Variants in QTGAL observed in about 807,000 individuals in gnomAD.
QTGAL encodes BGnT-like protein 1.
chr17:83,016,499 TGGAGGGAGGAGGGAAGAGGGCAGAAGA>T, the QTGAL span, among the ~76,000 whole-genome samples: 11 of 107,006 alleles, frequency 1.0e-4, no homozygotes, highest in African/African-American at 3.7e-4. Flanking sequence ...TGAGAAGGGA[TGGAGGGAGGAGGGAAGAGGGCAGAAGA>T]GGAGGGTGGA....
the QTGAL span, chr17:83,006,893 T>C: frequency 1.1e-6 from 1 of 887,402 alleles, no homozygotes; most frequent in Non-Finnish European, 1.3e-6. The surrounding 1 kb of genome is among the most constrained non-coding windows in gnomAD (Gnocchi z 5.8). Flanking sequence ...ATGTTTAGTT[T>C]TTACAGGAAC....
At chr17:82,958,866 T>TG in the QTGAL span, among the ~76,000 whole-genome samples, 2 of 37,664 alleles carry the variant, frequency 5.3e-5, no homozygotes, top group Non-Finnish European at 1.2e-4. Context: ...GTATGGTGTG[T>TG]GTGTGTGTGT....
chr17:82,956,245 G>A, the QTGAL span, among the ~76,000 whole-genome samples: 1 of 151,920 alleles, frequency 6.6e-6, no homozygotes, highest in African/African-American at 2.4e-5. This position sits in a 1 kb window ranked among gnomAD's most constrained non-coding sequence, Gnocchi z 5.7. Context: ...TGCATTTGGA[G>A]CCCGAGGCAC....
chr17:82,996,411 G>A, the QTGAL span, among the ~76,000 whole-genome samples: 1 of 151,608 alleles, frequency 6.6e-6, no homozygotes, highest in African/African-American at 2.4e-5. Flanking sequence ...AGTCCCAGCT[G>A]CTCAGCAAGC....
the QTGAL span, chr17:82,949,418 T>C: frequency 6.6e-6 from 1 of 152,302 alleles, no homozygotes; most frequent in East Asian, 1.9e-4. Flanking sequence ...AACGTGAACC[T>C]TGGGTTTCTC....
At chr17:82,993,758 A>T in the QTGAL span, among the ~76,000 whole-genome samples, 5 of 142,418 alleles carry the variant, frequency 3.5e-5, no homozygotes, top group Admixed American at 6.9e-5. Context: ...TTACAACATT[A>T]AAAAAAAAAA....
At chr17:83,007,768 C>T in the QTGAL span, among the ~76,000 whole-genome samples, 12 of 152,144 alleles carry the variant, frequency 7.9e-5, no homozygotes, top group South Asian at 4.1e-4. Flanking sequence ...AGAGTGAGGA[C>T]GGGGTGGGGG....
chr17:83,026,997 GAC>G, the QTGAL span, among the ~76,000 whole-genome samples: 52 of 148,412 alleles, frequency 3.5e-4, 4 homozygotes, highest in Middle Eastern at 3.8e-3. Flanking sequence ...ACCCTCGACA[GAC>G]ACACAGAGCG....
At chr17:82,956,051 G>A in the QTGAL span, among the ~76,000 whole-genome samples, 10 of 152,050 alleles carry the variant, frequency 6.6e-5, no homozygotes, top group Admixed American at 3.9e-4. The surrounding 1 kb of genome is among the most constrained non-coding windows in gnomAD (Gnocchi z 5.7). Context: ...TAATGCATGC[G>A]GGGCTTAAAA....
the QTGAL span, among the ~76,000 whole-genome samples, chr17:83,015,796 C>A: frequency 6.6e-6 from 1 of 152,218 alleles, no homozygotes; most frequent in Non-Finnish European, 1.5e-5. This position sits in a 1 kb window ranked among gnomAD's most constrained non-coding sequence, Gnocchi z 4.4. Context: ...ATCCAGGTCA[C>A]AGACTCCTTA....
chr17:82,953,842 A>G, the QTGAL span, among the ~76,000 whole-genome samples: 1 of 152,230 alleles, frequency 6.6e-6, no homozygotes, highest in Admixed American at 6.5e-5. Flanking sequence ...AGGCTGGTTC[A>G]ATATACGCAA....
chr17:83,048,682 T>C, the QTGAL span: 8 of 1,613,632 alleles, frequency 5.0e-6, no homozygotes, highest in Admixed American at 3.3e-5. Flanking sequence ...ACTGGCATCA[T>C]TGAAAACAGA....
At chr17:82,959,647 G>T in the QTGAL span, among the ~76,000 whole-genome samples, 1 of 152,122 alleles carries the variant, frequency 6.6e-6, no homozygotes, top group South Asian at 2.1e-4. Flanking sequence ...TCAGCTTAGG[G>T]ACCCCAGGGG....
chr17:82,951,572 T>C, the QTGAL span, among the ~76,000 whole-genome samples: 1 of 152,340 alleles, frequency 6.6e-6, no homozygotes, highest in South Asian at 2.1e-4. Flanking sequence ...TCAATAACTT[T>C]TCCTTTGCAT....
the QTGAL span, among the ~76,000 whole-genome samples, chr17:83,001,913 G>A: frequency 6.6e-6 from 1 of 152,054 alleles, no homozygotes; most frequent in South Asian, 2.1e-4. Flanking sequence ...GGGACTAAAG[G>A]TGTGAACCAC....
the QTGAL span, among the ~76,000 whole-genome samples, chr17:82,994,875 A>G: frequency 6.6e-6 from 1 of 152,244 alleles, no homozygotes; most frequent in African/African-American, 2.4e-5. Context: ...GGATGCAAGG[A>G]TAGTTCAACA....
the QTGAL span, chr17:82,943,779 C>T: frequency 6.6e-6 from 1 of 152,186 alleles, no homozygotes; most frequent in Non-Finnish European, 1.5e-5. Context: ...CCTAAAAGAG[C>T]CTTGGGTTAC....
chr17:83,032,777 G>A, the QTGAL span, among the ~76,000 whole-genome samples: 4 of 152,220 alleles, frequency 2.6e-5, no homozygotes, highest in African/African-American at 9.6e-5. Flanking sequence ...GAAGAAAAGA[G>A]AAGAAAGAGA....
At chr17:83,005,312 C>A in the QTGAL span, 1 of 1,012,156 alleles carries the variant, frequency 9.9e-7, no homozygotes, top group Non-Finnish European at 1.5e-6. This position sits in a 1 kb window ranked among gnomAD's most constrained non-coding sequence, Gnocchi z 5.6. Flanking sequence ...GCAGAGATGT[C>A]CAGACAGGAA....
Sources: allele counts gnomAD v4.1 joint callset (sites outside exome capture counted in the v4.1 genomes callset), GRCh38; gene constraint gnomAD v4.1.1; non-coding constraint Gnocchi (gnomAD v3.1); transcripts MANE v1.5; gene names NCBI Gene and HGNC (gene_info 2026-07-23, HGNC 2026-07-21).